HYDIN: variants seen among roughly 807,000 people sequenced by gnomAD.
The protein encoded by HYDIN is HYDIN axonemal central pair apparatus protein.
In HYDIN, 132 loss-of-function variants were observed where a neutral mutation model predicts 403.9. That is an observed-to-expected ratio of 0.33 (90% CI 0.28 to 0.38). The LOEUF is 0.38. Ranked by LOEUF, HYDIN falls within the 10% of genes least tolerant of loss-of-function variation. HYDIN has a pLI of 1.00. For synonymous variants in HYDIN, 1,202 were observed against 1,891.7 expected (o/e 0.64, Z 9.46); for missense variants, 2,827 against 5,009.5 (o/e 0.56, Z 13.15).
At chr16:71,217,795 G>C (rs1024026593) in intron 1 of HYDIN, among the ~76,000 whole-genome samples, 1 of 152,194 alleles carries the variant, frequency 6.6e-6, no homozygotes, top group African/African-American at 2.4e-5. Flanking sequence ...TCTGCGAACA[G>C]ATCACAGCCA....
intron 58 of HYDIN, among the ~76,000 whole-genome samples, chr16:70,885,707 C>G (rs2041087870): frequency 1.3e-5 from 2 of 151,418 alleles, no homozygotes; most frequent in African/African-American, 4.9e-5. Context: ...GGCTGTTTCA[C>G]TGAAGGCTGA....
At chr16:70,978,778 G>C in intron 30 of HYDIN, 136 bp downstream of exon 30, 1 of 796,122 alleles carries the variant, frequency 1.3e-6, no homozygotes, top group Non-Finnish European at 1.9e-6. Context: ...CTTGCCCCTG[G>C]GCTTCTGCAC....
At chr16:70,953,076 A>G (rs2143923936) in intron 40 of HYDIN, among the ~76,000 whole-genome samples, 1 of 148,406 alleles carries the variant, frequency 6.7e-6, no homozygotes, top group Non-Finnish European at 1.5e-5. Flanking sequence ...GTGACAACAG[A>G]TGCAGGAGAG....
chr16:70,980,728 A>G (rs1051447982), intron 29 of HYDIN, among the ~76,000 whole-genome samples: 7 of 151,608 alleles, frequency 4.6e-5, no homozygotes, highest in Admixed American at 3.9e-4. Flanking sequence ...ATAGAGATTC[A>G]TAAAGAGTGA....
At chr16:70,813,806 T>C (rs2035659514) in intron 84 of HYDIN, among the ~76,000 whole-genome samples, 1 of 149,520 alleles carries the variant, frequency 6.7e-6, no homozygotes, top group South Asian at 2.1e-4. Flanking sequence ...AGAACAACAA[T>C]ATAAGAGGTT....
intron 75 of HYDIN, among the ~76,000 whole-genome samples, chr16:70,847,710 T>C (rs1252124584): frequency 2.6e-5 from 4 of 151,944 alleles, no homozygotes; most frequent in Non-Finnish European, 5.9e-5. Flanking sequence ...TCCTTCTGCC[T>C]TCCAGATGAT....
chr16:71,078,597 T>C (rs989019390), intron 13 of HYDIN, among the ~76,000 whole-genome samples: 2 of 152,170 alleles, frequency 1.3e-5, no homozygotes, highest in Non-Finnish European at 2.9e-5. Flanking sequence ...CTCCAACTCC[T>C]GGGCTCAAGA....
At chr16:71,058,711 T>C (rs565769285) in intron 18 of HYDIN, among the ~76,000 whole-genome samples, 25 of 151,918 alleles carry the variant, frequency 1.6e-4, no homozygotes, top group Non-Finnish European at 2.9e-4. Flanking sequence ...AATTAGCTTA[T>C]AGAAGACTAG....
Position 70,921,414 on chromosome 16 carries a change from T to C in HYDIN, c.7159-197A>G, listed in dbSNP as rs2076992125. Among the ~76,000 whole-genome samples, 3 of 152,198 alleles carry C rather than the reference T, an allele frequency of 2.0e-5. No homozygotes were observed. The South Asian group carries it at 6.2e-4, about 31-fold the overall frequency. ...ATCTAAAAATCTATTCCATGGTCCT[T>C]CTCTGTTTGAGATCTGGCTGGGTCC... On this transcript the variant is annotated intron_variant, in intron 45 of 85. Transcript: ENST00000393567.
intron 83 of HYDIN, among the ~76,000 whole-genome samples, chr16:70,822,512 T>TA (rs1404524346): frequency 5.3e-5 from 8 of 152,226 alleles, no homozygotes; most frequent in African/African-American, 1.9e-4. Context: ...ACTTAATTGA[T>TA]AAAGCAGCAG....
intron 4 of HYDIN, among the ~76,000 whole-genome samples, chr16:71,177,597 C>A (rs971106864): frequency 6.6e-6 from 1 of 152,206 alleles, no homozygotes; most frequent in African/African-American, 2.4e-5. Context: ...AGCTGCTGTA[C>A]CAAATATAAC....
intron 39 of HYDIN, among the ~76,000 whole-genome samples, chr16:70,958,344 G>T (rs985807089): frequency 4.6e-5 from 7 of 152,142 alleles, no homozygotes; most frequent in African/African-American, 9.7e-5. Context: ...AAAATGTCAG[G>T]CTTGTTATTA....
chr16:71,106,417 C>T (rs1301152552), intron 10 of HYDIN, among the ~76,000 whole-genome samples: 2 of 152,122 alleles, frequency 1.3e-5, no homozygotes, highest in Non-Finnish European at 2.9e-5. Context: ...CTTGTATCCG[C>T]TTCTATAATA....
At chr16:71,140,821 T>C (rs573454396) in intron 7 of HYDIN, among the ~76,000 whole-genome samples, 5 of 152,118 alleles carry the variant, frequency 3.3e-5, no homozygotes, top group South Asian at 2.1e-4. Context: ...TATAGGCCAA[T>C]TGCACTTCTG....
rs1237127614 is a variant in HYDIN, at chr16:70,802,168, A to C, written c.*5412T>G. The C allele has an allele frequency of 1.3e-5, 2 of 152,200 alleles. No homozygotes were observed. The highest frequency in any genetic ancestry group is 2.4e-5 in the African/African-American group (1 of 41,446). 9.4% of individuals were successfully genotyped at this position (152,200 alleles called of 1,614,324 possible). A position where few individuals can be genotyped will look rare whatever the true frequency, so the allele number is the denominator to read the frequency against. On this transcript the variant is annotated 3_prime_UTR_variant, in exon 86 of 86. Coordinates refer to ENST00000393567, the MANE Select transcript of HYDIN (RefSeq NM_001270974.2). The stretch of plus-strand genomic sequence containing the variant: ...GAAAATGGAGTATTTTCCTCAACAG[A>C]AACAGGGACGCAATGAGTAAAGGGC...
At position 70,809,881 on chromosome 16, in the gene HYDIN, C is replaced by T; in HGVS notation, c.14785G>A (p.Glu4929Lys). 6.2e-7 allele frequency: 1 copy of T among 1,614,180 alleles called. No homozygotes were observed. Among genetic ancestry groups the T allele is most frequent in the South Asian group, 1.1e-5 (1 of 91,090 alleles). Reference protein sequence around the residue: ...LYLKATPALPEKPVHFQTVLG... With the variant: ...LYLKATPALPKKPVHFQTVLG... Reference sequence around the variant, plus strand: ...ACAGTCTGGAAGTGAACAGGCTTTTCCGGAAGTGCTGGCGTGGCTTTCAGA... The same window carrying T: ...ACAGTCTGGAAGTGAACAGGCTTTTTCGGAAGTGCTGGCGTGGCTTTCAGA... The change falls in exon 85 of 86, where the codon GAA becomes AAA. Residue 4929 changes from glutamate (E) to lysine (K), a missense_variant. Physicochemically the swap from Glu to Lys is moderately conservative, Grantham distance 56. Coordinates refer to ENST00000393567, the MANE Select transcript of HYDIN (RefSeq NM_001270974.2).
At chr16:71,087,030 AC>A (rs1356351593) in intron 12 of HYDIN, among the ~76,000 whole-genome samples, 1 of 151,374 alleles carries the variant, frequency 6.6e-6, no homozygotes, top group Non-Finnish European at 1.5e-5. Context: ...TTGGAAAACA[AC>A]CCTCATTTTT....
Position 70,920,983 on chromosome 16 carries a change from T to C in HYDIN, c.7393A>G (p.Lys2465Glu), listed in dbSNP as rs2076979244. 1 of 1,579,574 alleles carries C rather than the reference T, an allele frequency of 6.3e-7. No homozygotes were observed. The highest frequency in any genetic ancestry group is 2.2e-5 in the East Asian group (1 of 44,548). The part of the protein sequence containing the change: ...PKFKTYELTL[K>E]DVQNILMYWD... ...TACATGAGGATGTTCTGGACATCCT[T>C]CAGTGTCAATTCATAGGTCTTAAAC... Residue 2465 changes from lysine (K) to glutamate (E), a missense_variant, in exon 46 of 86, where the codon AAG (lysine) becomes GAG (glutamate). Lys to Glu is a moderately conservative substitution (Grantham distance 56). Coordinates refer to ENST00000393567, the MANE Select transcript of HYDIN (RefSeq NM_001270974.2).
At chr16:71,210,847 CTTAGT>C (rs1250305599) in intron 1 of HYDIN, among the ~76,000 whole-genome samples, 4 of 151,824 alleles carry the variant, frequency 2.6e-5, no homozygotes, top group Non-Finnish European at 2.9e-5. Context: ...AAAAAAATTT[CTTAGT>C]TTATTGTTAG....
Sources: allele counts gnomAD v4.1 joint callset (sites outside exome capture counted in the v4.1 genomes callset), GRCh38; gene constraint gnomAD v4.1.1; transcripts MANE v1.5; gene names NCBI Gene and HGNC (gene_info 2026-07-23, HGNC 2026-07-21).